The following EIF3H variants were observed in gnomAD, a reference collection of about 807,000 sequenced individuals.
The protein encoded by EIF3H is eIF-3-gamma.
Under a neutral mutation model 44.2 loss-of-function variants are expected in EIF3H, and 26 were observed. That is an observed-to-expected ratio of 0.59 (90% CI 0.43 to 0.82). The LOEUF is 0.82. Ranked by LOEUF, EIF3H falls within the 40% of genes least tolerant of loss-of-function variation. The pLI is 0.00. For missense variants in EIF3H, 359 were observed against 432.8 expected, an observed-to-expected ratio of 0.83 and a Z score of 1.51; for synonymous variants, 166 against 151.9, an observed-to-expected ratio of 1.09 and a Z score of -0.68.
intron 6 of EIF3H, among the ~76,000 whole-genome samples, chr8:116,646,876 C>T (rs1813310429): frequency 6.6e-6 from 1 of 152,052 alleles, no homozygotes; most frequent in Non-Finnish European, 1.5e-5. Flanking sequence ...TAACAGGGGG[C>T]TTAAAGGGAA....
intron 2 of EIF3H, among the ~76,000 whole-genome samples, chr8:116,659,332 ATTGG>A (rs1253025514): frequency 3.3e-5 from 5 of 152,210 alleles, no homozygotes; most frequent in African/African-American, 1.2e-4. Flanking sequence ...TAATTACTAA[ATTGG>A]TTGGTTGTAA....
At chr8:116,755,970 C>T (rs990084522), upstream of EIF3H, 1 of 1,536,288 alleles carries the variant, frequency 6.5e-7, no homozygotes, top group Non-Finnish European at 8.7e-7. Context: ...CAGGCGGTAT[C>T]CTTTGTGCAT....
intron 1 of EIF3H, among the ~76,000 whole-genome samples, chr8:116,733,836 A>G (rs1814989240): frequency 6.6e-6 from 1 of 152,230 alleles, no homozygotes; most frequent in African/African-American, 2.4e-5. Flanking sequence ...TTATAAAACA[A>G]GGTAATTTTA....
chr8:116,729,193 T>C (rs1176779085), intron 1 of EIF3H, among the ~76,000 whole-genome samples: 2 of 152,204 alleles, frequency 1.3e-5, no homozygotes, highest in Non-Finnish European at 2.9e-5. Flanking sequence ...AGAAGATATA[T>C]GAGCTTAACA....
At chr8:116,692,988 T>A (rs1814204832) in intron 2 of EIF3H, among the ~76,000 whole-genome samples, 1 of 152,174 alleles carries the variant, frequency 6.6e-6, no homozygotes, top group South Asian at 2.1e-4. Context: ...ATGGAATTAA[T>A]TTATATATGC....
chr8:116,739,191 A>C (rs967136886), intron 1 of EIF3H, among the ~76,000 whole-genome samples: 4 of 152,248 alleles, frequency 2.6e-5, no homozygotes, highest in Non-Finnish European at 5.9e-5. Flanking sequence ...CCTTAAGGAC[A>C]TGTTCCTGCT....
intron 2 of EIF3H, among the ~76,000 whole-genome samples, chr8:116,717,997 A>C (rs1814682263): frequency 6.6e-6 from 1 of 152,174 alleles, no homozygotes; most frequent in African/African-American, 2.4e-5. Flanking sequence ...TATATAACCG[A>C]CAAAGGACTA....
intron 1 of EIF3H, among the ~76,000 whole-genome samples, chr8:116,752,708 GAAAGAAAGAA>G (rs1563662929): frequency 1.6e-5 from 2 of 128,510 alleles, no homozygotes; most frequent in Non-Finnish European, 3.3e-5. Flanking sequence ...AAGAAAGAAA[GAAAGAAAGAA>G]AGAAAGAAAG....
chr8:116,645,414 G>A (rs1208594112), intron 7 of EIF3H, among the ~76,000 whole-genome samples: 9 of 152,172 alleles, frequency 5.9e-5, no homozygotes, highest in Admixed American at 3.9e-4. Context: ...AGAAAACAGC[G>A]CTGACTAGCC....
chr8:116,741,258 AT>A (rs1358516978), intron 1 of EIF3H, among the ~76,000 whole-genome samples: 2 of 151,444 alleles, frequency 1.3e-5, no homozygotes, highest in South Asian at 2.1e-4. Context: ...TTCCTCAGAG[AT>A]TTTTTTTTCA....
At chr8:116,707,671 C>T (rs573569496) in intron 2 of EIF3H, among the ~76,000 whole-genome samples, 1 of 152,242 alleles carries the variant, frequency 6.6e-6, no homozygotes, top group South Asian at 2.1e-4. Context: ...ATTCTCATTG[C>T]TACTGTTCAC....
chr8:116,710,255 T>C (rs548369978), intron 2 of EIF3H, among the ~76,000 whole-genome samples: 1 of 152,362 alleles, frequency 6.6e-6, no homozygotes, highest in East Asian at 1.9e-4. Flanking sequence ...TCCTGTGTCA[T>C]CAGTCAGGCA....
At chr8:116,645,799 T>C (rs1356708376) in intron 7 of EIF3H, among the ~76,000 whole-genome samples, 2 of 152,236 alleles carry the variant, frequency 1.3e-5, no homozygotes, top group African/African-American at 2.4e-5. Context: ...ACATTACAAA[T>C]GTATCAATAT....
chr8:116,745,180 G>C (rs149757832), intron 1 of EIF3H, among the ~76,000 whole-genome samples: 1,792 of 152,352 alleles, frequency 0.012, 38 homozygotes, highest in African/African-American at 0.04. Flanking sequence ...CAGATTTGCT[G>C]TAACAACTAA....
At chr8:116,700,447 G>C (rs1209961861) in intron 2 of EIF3H, among the ~76,000 whole-genome samples, 10 of 151,666 alleles carry the variant, frequency 6.6e-5, no homozygotes, top group Admixed American at 6.6e-4. Flanking sequence ...TACCACTAGT[G>C]TTAGTGTATT....
intron 1 of EIF3H, among the ~76,000 whole-genome samples, chr8:116,734,080 A>G (rs1814993335): frequency 6.6e-6 from 1 of 152,224 alleles, no homozygotes; most frequent in South Asian, 2.1e-4. Context: ...AAAGAATGAG[A>G]GTAAAAATGG....
At chr8:116,709,011 T>A (rs868524641) in intron 2 of EIF3H, among the ~76,000 whole-genome samples, 69 of 136,034 alleles carry the variant, frequency 5.1e-4, no homozygotes, top group African/African-American at 1.8e-3. Context: ...AAAAAAAAAA[T>A]TTTTTTTTGC....
chr8:116,729,957 T>G (rs1814922495), intron 1 of EIF3H, among the ~76,000 whole-genome samples: 1 of 152,224 alleles, frequency 6.6e-6, no homozygotes, highest in Non-Finnish European at 1.5e-5. Context: ...CAGGAAAGAC[T>G]CAATCACTAA....
chr8:116,695,121 T>C (rs1313283222), intron 2 of EIF3H, among the ~76,000 whole-genome samples: 1 of 148,044 alleles, frequency 6.8e-6, no homozygotes, highest in Non-Finnish European at 1.5e-5. Context: ...CAGGCTGGAG[T>C]GTGGTGGAGC....
Sources: allele counts gnomAD v4.1 joint callset (sites outside exome capture counted in the v4.1 genomes callset), GRCh38; gene constraint gnomAD v4.1.1; transcripts MANE v1.5; gene names NCBI Gene and HGNC (gene_info 2026-07-23, HGNC 2026-07-21).